The following NEBL variants were observed in gnomAD, a reference collection of about 807,000 sequenced individuals.
The protein encoded by NEBL is LIM and SH3 protein 2.
NEBL carries 122 observed loss-of-function variants against 140.2 expected under a neutral mutation model. That is an observed-to-expected ratio of 0.87 (90% CI 0.75 to 1.01). The LOEUF (loss-of-function observed/expected upper bound fraction) is 1.01, where lower values mean the gene tolerates loss of function less well. NEBL is among the 50% of genes least tolerant of loss of function. The pLI is 0.00. For missense variants in NEBL, 1,365 were observed against 1,231.3 expected (o/e 1.11, Z -1.62); for synonymous variants, 436 against 398.9 (o/e 1.09, Z -1.11).
intron 9 of NEBL, among the ~76,000 whole-genome samples, chr10:20,854,110 C>T (rs963918600): frequency 1.3e-5 from 2 of 151,886 alleles, no homozygotes; most frequent in African/African-American, 4.8e-5. Context: ...TGTTATTTTG[C>T]CTTATTTGGA....
At chr10:21,218,083 A>C (rs551295514) in intron 3 of NEBL, 1 of 153,434 alleles carries the variant, frequency 6.5e-6, no homozygotes, top group Non-Finnish European at 1.5e-5. Context: ...GATACTTTTC[A>C]TAAAGCTACC....
chr10:20,965,687 C>G (rs1281987003), intron 3 of NEBL, among the ~76,000 whole-genome samples: 1 of 152,162 alleles, frequency 6.6e-6, no homozygotes, highest in Non-Finnish European at 1.5e-5. Flanking sequence ...TTTTAAAAGG[C>G]TTTCTCTGGC....
At chr10:21,029,338 G>A (rs1245442096) in intron 2 of NEBL, 5 of 1,611,086 alleles carry the variant, frequency 3.1e-6, no homozygotes, top group African/African-American at 1.3e-5. Flanking sequence ...GTCAATTAAG[G>A]AATTCTTTAG....
intron 26 of NEBL, among the ~76,000 whole-genome samples, chr10:20,799,256 A>C (rs1281610758): frequency 2.0e-5 from 3 of 152,124 alleles, no homozygotes; most frequent in Non-Finnish European, 4.4e-5. Context: ...CCCGGGTTCA[A>C]GTGATTCTCC....
At chr10:20,900,175 T>C (rs1414949050), upstream of NEBL, among the ~76,000 whole-genome samples, 4 of 152,222 alleles carry the variant, frequency 2.6e-5, no homozygotes, top group African/African-American at 7.2e-5. Flanking sequence ...CTTTTACTTA[T>C]TGGGCACTTC....
intron 2 of NEBL, among the ~76,000 whole-genome samples, chr10:21,153,414 G>A (rs1210569311): frequency 7.2e-5 from 11 of 151,934 alleles, no homozygotes; most frequent in East Asian, 1.9e-4. Flanking sequence ...TCCGCCTCCC[G>A]GGTTCAAGTG....
rs116466943 is a variant in NEBL at position 20,803,224 on chromosome 10, T to C, written c.2761+5286A>G. Among the ~76,000 whole-genome samples the C allele has an allele frequency of 6.9e-3, 1,053 of 152,288 alleles. 8 individuals are homozygous for C. The highest frequency in any genetic ancestry group is 0.019 in the South Asian group (94 of 4,822). ...GTAGGATGACTATAGTTAGCAAGAA[T>C]ATATTATACAGTTTCAAATAGCTAG... is the stretch of plus-strand genomic sequence containing the variant. On this transcript the variant is annotated intron_variant, in intron 26 of 27. Transcript: ENST00000377122.
At chr10:20,797,891 A>G (rs886531269) in intron 26 of NEBL, among the ~76,000 whole-genome samples, 4 of 152,090 alleles carry the variant, frequency 2.6e-5, no homozygotes, top group Admixed American at 2.6e-4. Context: ...ACTTGAGGCC[A>G]GGAGTTCAAA....
intron 4 of NEBL, among the ~76,000 whole-genome samples, chr10:20,934,590 A>G (rs1294811001): frequency 6.6e-6 from 1 of 152,144 alleles, no homozygotes; most frequent in East Asian, 1.9e-4. Context: ...CACACCAGAT[A>G]CAGCTCATCC....
intron 4 of NEBL, among the ~76,000 whole-genome samples, chr10:20,911,380 T>A (rs1186288584): frequency 6.6e-6 from 1 of 152,168 alleles, no homozygotes; most frequent in South Asian, 2.1e-4. Context: ...GTTAAATGTA[T>A]ATACCCGTTG....
chr10:20,952,887 A>T (rs1221767448), intron 4 of NEBL, among the ~76,000 whole-genome samples: 1 of 137,980 alleles, frequency 7.2e-6, no homozygotes, highest in African/African-American at 2.7e-5. Flanking sequence ...CCTGGGTGAC[A>T]GAGTGAGACC....
At chr10:20,793,443 C>G (rs1836198674) in intron 26 of NEBL, 1 of 676,170 alleles carries the variant, frequency 1.5e-6, no homozygotes. Context: ...GCAGTGTTTT[C>G]AACCCTGACT....
chr10:21,029,472 A>G (rs1780744458), intron 2 of NEBL: 1 of 1,611,510 alleles, frequency 6.2e-7, no homozygotes. Flanking sequence ...GTCTCAATTA[A>G]GAGTCTCTAG....
chr10:20,791,676 T>G (rs990669552), intron 26 of NEBL, among the ~76,000 whole-genome samples: 9 of 152,054 alleles, frequency 5.9e-5, no homozygotes, highest in Admixed American at 5.9e-4. Flanking sequence ...ATTATGGGCG[T>G]GAGCACTGCA....
intron 2 of NEBL, among the ~76,000 whole-genome samples, chr10:21,047,778 C>A (rs1834586506): frequency 6.6e-6 from 1 of 152,186 alleles, no homozygotes; most frequent in Admixed American, 6.5e-5. Flanking sequence ...CACTTCATCT[C>A]AAGAGGTTCC....
intron 3 of NEBL, among the ~76,000 whole-genome samples, chr10:20,973,461 G>A (rs949483839): frequency 6.6e-6 from 1 of 151,928 alleles, no homozygotes; most frequent in South Asian, 2.1e-4. Context: ...TATTTCCCAG[G>A]CTGGTCTCAA....
chr10:21,170,638 G>A lies in NEBL; in HGVS notation c.164+1745C>T, dbSNP rs182279260. 5 of 152,712 alleles carry A rather than the reference G, an allele frequency of 3.3e-5. No homozygotes were observed. In the East Asian group the frequency reaches 9.7e-4, roughly 29 times the overall value. The allele number at this position is 152,712 out of a possible 1,614,324, so 9.5% of individuals were successfully genotyped here. On this transcript the variant is annotated intron_variant, in intron 2 of 6. Transcript: ENST00000417816. The stretch of plus-strand genomic sequence containing the variant: ...ACATCAGAAAGTTTGGGGAATATCT[G>A]TGGACTTCCCCTCTCCAAGAAAGTC...
At position 21,082,761 on chromosome 10, in the gene NEBL, A is replaced by T. The variant is rs1182379479; in HGVS notation, c.165-62560T>A. Among the ~76,000 whole-genome samples the T allele has an allele frequency of 4.7e-3, 519 of 109,514 alleles. 6 individuals are homozygous for T. The highest frequency in any genetic ancestry group is 0.016 in the African/African-American group (486 of 29,956). The allele number at this position is 109,514 out of a possible 152,430, so 71.8% of individuals were successfully genotyped here. On this transcript the variant is annotated intron_variant, in intron 2 of 6. Coordinates refer to the NEBL transcript ENST00000417816. Reference sequence around the variant, plus strand: ...ATTATGGGATATGCAGGAGGGATGCATTTTTTTTTTTTTTTTTTTGAGACA... The same window carrying T: ...ATTATGGGATATGCAGGAGGGATGCTTTTTTTTTTTTTTTTTTTTGAGACA...
chr10:21,213,263 G>T (rs956977538), intron 3 of NEBL, among the ~76,000 whole-genome samples: 3 of 152,298 alleles, frequency 2.0e-5, no homozygotes, highest in Non-Finnish European at 2.9e-5. Context: ...ACTTGTATTT[G>T]GTCTTGTTGC....
Sources: allele counts gnomAD v4.1 joint callset (sites outside exome capture counted in the v4.1 genomes callset), GRCh38; gene constraint gnomAD v4.1.1; transcripts MANE v1.5; gene names NCBI Gene and HGNC (gene_info 2026-07-23, HGNC 2026-07-21).